Variants in CSGALNACT1 observed in about 807,000 individuals in gnomAD.
CSGALNACT1 encodes chondroitin sulfate N-acetylgalactosaminyltransferase 1, also known as beta4GalNAcT-1.
Under a neutral mutation model 51.0 loss-of-function variants are expected in CSGALNACT1, and 52 were observed. The ratio of observed to expected loss-of-function variants is 1.02; its 90% CI spans 0.82 to 1.29. CSGALNACT1 has a LOEUF of 1.29. Among genes scored for constraint, CSGALNACT1 ranks in the 50% most tolerant of loss-of-function variants. The pLI is 0.00. For synonymous variants in CSGALNACT1, 341 were observed against 254.4 expected, an observed-to-expected ratio of 1.34 and a Z score of -3.24; for missense variants, 935 against 679.2, an observed-to-expected ratio of 1.38 and a Z score of -4.19.
At chr8:19,747,932 A>C (rs2064783349) in intron 1 of CSGALNACT1, among the ~76,000 whole-genome samples, 1 of 152,238 alleles carries the variant, frequency 6.6e-6, no homozygotes, top group Non-Finnish European at 1.5e-5. Flanking sequence ...AAGATGAAAG[A>C]AATCTCCCTG....
chr8:19,648,738 G>T (rs751951603), intron 1 of CSGALNACT1, among the ~76,000 whole-genome samples: 19 of 152,200 alleles, frequency 1.2e-4, no homozygotes, highest in Non-Finnish European at 1.8e-4. Context: ...TGGAGCAACT[G>T]AGGGTATAGT....
intron 1 of CSGALNACT1, among the ~76,000 whole-genome samples, chr8:19,670,034 A>C (rs909260164): frequency 1.3e-5 from 2 of 151,584 alleles, no homozygotes; most frequent in African/African-American, 2.4e-5. Context: ...AGGTCTACCT[A>C]CTCCTACCTA....
intron 4 of CSGALNACT1, among the ~76,000 whole-genome samples, chr8:19,490,524 C>A (rs900083552): frequency 6.6e-6 from 1 of 152,214 alleles, no homozygotes; most frequent in Non-Finnish European, 1.5e-5. Flanking sequence ...AACACCAGAA[C>A]CTCTGGTTCC....
intron 2 of CSGALNACT1, among the ~76,000 whole-genome samples, chr8:19,597,959 C>T (rs1161483596): frequency 1.3e-5 from 2 of 152,186 alleles, no homozygotes; most frequent in Non-Finnish European, 2.9e-5. Flanking sequence ...CACACAATGG[C>T]CCAGCCCCAT....
At chr8:19,716,234 C>T (rs146382949) in intron 1 of CSGALNACT1, among the ~76,000 whole-genome samples, 8 of 152,176 alleles carry the variant, frequency 5.3e-5, no homozygotes, top group African/African-American at 7.2e-5. Flanking sequence ...GAAAGTCATA[C>T]GCCAACTCCC....
Position 19,496,101 on chromosome 8 carries a change from C to T in CSGALNACT1, c.634+9100G>A, listed in dbSNP as rs575048672. Among the ~76,000 whole-genome samples, 7 of 152,284 alleles carry T rather than the reference C, an allele frequency of 4.6e-5. No homozygotes were observed. The East Asian group carries it at 1.4e-3, about 29-fold the overall frequency. On this transcript the variant is annotated intron_variant, in intron 4 of 9. Coordinates refer to ENST00000454498, the Ensembl canonical transcript of CSGALNACT1. ...CAATTTGGAGCAGTATGCTTGTTAA[C>T]TACAAATTTCCACAATAAGAACAGC... is the stretch of plus-strand genomic sequence containing the variant.
intron 1 of CSGALNACT1, among the ~76,000 whole-genome samples, chr8:19,618,206 T>G (rs1479129172): frequency 3.3e-5 from 5 of 152,334 alleles, no homozygotes; most frequent in African/African-American, 1.2e-4. Context: ...AAATGAGATT[T>G]GTACTCATTG....
chr8:19,481,456 C>G (rs2071381074), intron 4 of CSGALNACT1, among the ~76,000 whole-genome samples: 2 of 152,134 alleles, frequency 1.3e-5, no homozygotes, highest in South Asian at 4.1e-4. Context: ...CACCTGTGGA[C>G]AGGAGTGACT....
chr8:19,562,264 C>T (rs533560033), intron 3 of CSGALNACT1, among the ~76,000 whole-genome samples: 11 of 152,240 alleles, frequency 7.2e-5, no homozygotes, highest in African/African-American at 2.6e-4. Flanking sequence ...AGCTGACTTG[C>T]TTATTTCATA....
At chr8:19,442,248 T>C (rs1233933311) in intron 5 of CSGALNACT1, among the ~76,000 whole-genome samples, 1 of 152,208 alleles carries the variant, frequency 6.6e-6, no homozygotes, top group Non-Finnish European at 1.5e-5. Flanking sequence ...TAAATCATGC[T>C]GCTATAAAGA....
chr8:19,711,714 C>G (rs1198180671), intron 1 of CSGALNACT1, among the ~76,000 whole-genome samples: 2 of 152,136 alleles, frequency 1.3e-5, no homozygotes, highest in Non-Finnish European at 2.9e-5. Context: ...CACAGGTGAC[C>G]AGAGCATCAT....
rs1482983761 is a variant in CSGALNACT1 at position 19,544,803 on chromosome 8, C to A, written c.-296-38673G>T. ...ATTGGTCCAATTTTCATTTATCTTG[C>A]TGGAAAAATACAGACATCATCATTC... On this transcript the variant is annotated intron_variant, in intron 3 of 9. Transcript: ENST00000454498. Among the ~76,000 whole-genome samples the A allele has an allele frequency of 3.9e-5, 6 of 152,098 alleles. No homozygotes were observed. The East Asian group carries it at 1.2e-3, about 29-fold the overall frequency.
At chr8:19,604,362 C>T (rs947023889), upstream of CSGALNACT1, among the ~76,000 whole-genome samples, 1 of 152,220 alleles carries the variant, frequency 6.6e-6, no homozygotes, top group Non-Finnish European at 1.5e-5. Context: ...ATACACCACA[C>T]AAGCTATGTT....
intron 1 of CSGALNACT1, among the ~76,000 whole-genome samples, chr8:19,627,367 G>A (rs2054583422): frequency 1.3e-5 from 2 of 152,158 alleles, no homozygotes; most frequent in African/African-American, 4.8e-5. Context: ...GCTGGAAGGG[G>A]AGCGAGTTAG....
chr8:19,536,284 T>C (rs1467558253), intron 3 of CSGALNACT1, among the ~76,000 whole-genome samples: 1 of 152,092 alleles, frequency 6.6e-6, no homozygotes, highest in African/African-American at 2.4e-5. Flanking sequence ...GCAAGGGGTA[T>C]ATGGAAAATC....
chr8:19,649,800 T>G (rs1483531235), intron 1 of CSGALNACT1, among the ~76,000 whole-genome samples: 1 of 53,956 alleles, frequency 1.9e-5, no homozygotes, highest in East Asian at 5.4e-4. Flanking sequence ...AAGGAAGAAA[T>G]TAAATGCATT....
intron 5 of CSGALNACT1, among the ~76,000 whole-genome samples, chr8:19,442,937 A>G (rs1006014140): frequency 6.6e-6 from 1 of 152,134 alleles, no homozygotes; most frequent in Non-Finnish European, 1.5e-5. Context: ...GCAAGGCAGA[A>G]CAGTCACTGA....
chr8:19,582,650 G>A (rs763202620), intron 3 of CSGALNACT1, among the ~76,000 whole-genome samples: 3 of 152,152 alleles, frequency 2.0e-5, no homozygotes, highest in Non-Finnish European at 4.4e-5. Flanking sequence ...AAGACATAGA[G>A]AGGCATGCTC....
At chr8:19,437,684 C>G (rs1408175384) in intron 6 of CSGALNACT1, among the ~76,000 whole-genome samples, 2 of 152,162 alleles carry the variant, frequency 1.3e-5, no homozygotes, top group Non-Finnish European at 2.9e-5. Context: ...ACAACTAATA[C>G]ATATACCAGG....
Sources: allele counts gnomAD v4.1 joint callset (sites outside exome capture counted in the v4.1 genomes callset), GRCh38; gene constraint gnomAD v4.1.1; transcripts MANE v1.5; gene names NCBI Gene and HGNC (gene_info 2026-07-23, HGNC 2026-07-21).